The following ADCY2 variants were observed in gnomAD, a reference collection of about 807,000 sequenced individuals.
The protein encoded by ADCY2 is adenylate cyclase 2.
A neutral mutation model predicts 125.2 loss-of-function variants in ADCY2; 31 were observed. The observed-to-expected ratio is 0.25, with a 90% CI of 0.19 to 0.33. ADCY2 has a LOEUF of 0.33. Ranked by LOEUF, ADCY2 falls within the 10% of genes least tolerant of loss-of-function variation. ADCY2 has a pLI of 1.00. For missense variants in ADCY2, 904 were observed against 1,418.2 expected (o/e 0.64, Z 5.82); for synonymous variants, 512 against 548.4 (o/e 0.93, Z 0.93).
At chr5:7,424,597 T>C (rs1740321093) in intron 2 of ADCY2, among the ~76,000 whole-genome samples, 1 of 152,218 alleles carries the variant, frequency 6.6e-6, no homozygotes, top group South Asian at 2.1e-4. Flanking sequence ...GTTGATGTTA[T>C]TTGGAAAAAC....
intron 2 of ADCY2, among the ~76,000 whole-genome samples, chr5:7,518,668 C>A (rs1744335601): frequency 6.6e-6 from 1 of 152,050 alleles, no homozygotes; most frequent in African/African-American, 2.4e-5. Context: ...TGGTCCATGC[C>A]CAATCTAGGC....
intron 10 of ADCY2, among the ~76,000 whole-genome samples, chr5:7,710,845 C>T (rs13165303): frequency 0.46 from 70,056 of 151,826 alleles, 17,201 homozygotes; most frequent in East Asian, 0.95. Flanking sequence ...GTGGAAGCAA[C>T]GAGAAGCAAA....
At chr5:7,704,735 G>A (rs1741206630) in intron 7 of ADCY2, among the ~76,000 whole-genome samples, 1 of 152,020 alleles carries the variant, frequency 6.6e-6, no homozygotes, top group African/African-American at 2.4e-5. Context: ...AAAATTAGCT[G>A]GGCGGTTTGG....
chr5:7,650,482 G>C (rs569899603), intron 4 of ADCY2, among the ~76,000 whole-genome samples: 1 of 152,102 alleles, frequency 6.6e-6, no homozygotes, highest in Non-Finnish European at 1.5e-5. Flanking sequence ...ATACTTTACA[G>C]TACGAACTAT....
chr5:7,735,100 G>T (rs1239534041), intron 14 of ADCY2, among the ~76,000 whole-genome samples: 1 of 152,110 alleles, frequency 6.6e-6, no homozygotes, highest in Admixed American at 6.5e-5. Context: ...GAAGCATTAA[G>T]CCCATAAGAA....
chr5:7,412,218 A>C (rs889230348), intron 1 of ADCY2, among the ~76,000 whole-genome samples: 2 of 152,102 alleles, frequency 1.3e-5, no homozygotes, highest in South Asian at 2.1e-4. Context: ...ATATTTTTGC[A>C]TGGTTTTTCA....
rs370343471 is a variant in ADCY2, at chr5:7,411,280, A to G, written c.211-3293A>G. 2.0e-3 allele frequency among the ~76,000 whole-genome samples: 307 copies of G among 152,310 alleles called. 2 individuals carry two copies. The highest frequency in any genetic ancestry group is 7.1e-3 in the African/African-American group (297 of 41,586). ...TGACTGTCTCAAGCCGTTGGCCGTC[A>G]GAGCCTCTGGCTCACCCTCTGAGGT... On this transcript the variant is annotated intron_variant, in intron 1 of 24. Coordinates refer to ENST00000338316, the MANE Select transcript of ADCY2 (RefSeq NM_020546.3).
Position 7,626,241 on chromosome 5 carries a change from T to G in ADCY2, c.645T>G (p.Ala215=). The G allele has an allele frequency of 6.2e-7, 1 of 1,614,144 alleles. No homozygotes were observed. Among genetic ancestry groups the G allele is most frequent in the Non-Finnish European group, 8.5e-7 (1 of 1,180,002 alleles). ...ACCATAAGCACCTCATGGAACTCGC[T>G]CTTCAGCAAACATATCAGGACACCT... ...GAYHKHLMEL[A]LQQTYQDTCN... is the part of the protein sequence containing the mutation. Residue 215 remains alanine (A), a synonymous_variant, in exon 4 of 25, where the codon GCT becomes GCG. Coordinates refer to ENST00000338316, the MANE Select transcript of ADCY2 (RefSeq NM_020546.3).
intron 2 of ADCY2, among the ~76,000 whole-genome samples, chr5:7,488,331 G>A (rs1003769729): frequency 6.6e-6 from 1 of 152,144 alleles, no homozygotes; most frequent in African/African-American, 2.4e-5. Flanking sequence ...GTCGAGCTGT[G>A]AGTCCATTAA....
intron 11 of ADCY2, among the ~76,000 whole-genome samples, chr5:7,713,584 A>G (rs1741507190): frequency 2.6e-5 from 4 of 152,162 alleles, no homozygotes; most frequent in Admixed American, 2.6e-4. Flanking sequence ...CTATAGTGAA[A>G]TAAAGGGTTA....
chr5:7,734,247 C>T (rs1475419285), intron 14 of ADCY2, among the ~76,000 whole-genome samples: 2 of 152,156 alleles, frequency 1.3e-5, no homozygotes, highest in East Asian at 1.9e-4. Context: ...ATGCCAAAGA[C>T]ATCATTATTT....
intron 4 of ADCY2, among the ~76,000 whole-genome samples, chr5:7,666,878 A>G (rs1739776046): frequency 6.6e-6 from 1 of 152,152 alleles, no homozygotes; most frequent in African/African-American, 2.4e-5. Context: ...TCCCTGGAAC[A>G]TAACTCTTAC....
intron 16 of ADCY2, among the ~76,000 whole-genome samples, chr5:7,758,022 A>G (rs1348802080): frequency 6.6e-6 from 1 of 152,188 alleles, no homozygotes; most frequent in African/African-American, 2.4e-5. Context: ...AGGAACCCTC[A>G]AACTAAGGAG....
At chr5:7,618,485 T>G (rs1737840244) in intron 3 of ADCY2, among the ~76,000 whole-genome samples, 1 of 152,206 alleles carries the variant, frequency 6.6e-6, no homozygotes, top group African/African-American at 2.4e-5. Flanking sequence ...CTCCACATGT[T>G]CACCCTAAAA....
At position 7,492,814 on chromosome 5, in the gene ADCY2, T is replaced by G. The variant is rs146932489; in HGVS notation, c.409-27924T>G. 2.2e-3 allele frequency among the ~76,000 whole-genome samples: 328 copies of G among 151,146 alleles called. 3 individuals carry two copies. The highest frequency in any genetic ancestry group is 7.6e-3 in the African/African-American group (312 of 41,282). On this transcript the variant is annotated intron_variant, in intron 2 of 24. Coordinates refer to ENST00000338316, the MANE Select transcript of ADCY2 (RefSeq NM_020546.3). The stretch of plus-strand genomic sequence containing the variant: ...GTAATGAAGGGTAAATAGAAGACAC[T>G]ATAGTTCTGGAAGTCAGAGGAGGGT...
intron 2 of ADCY2, among the ~76,000 whole-genome samples, chr5:7,490,579 G>A (rs960300410): frequency 2.6e-5 from 4 of 152,078 alleles, no homozygotes; most frequent in Non-Finnish European, 5.9e-5. Flanking sequence ...GTAAAGAATA[G>A]AAATGTACCT....
At chr5:7,650,357 G>A (rs1257800711) in intron 4 of ADCY2, among the ~76,000 whole-genome samples, 6 of 152,114 alleles carry the variant, frequency 3.9e-5, no homozygotes, top group Non-Finnish European at 8.8e-5. Context: ...GAGGCCATTG[G>A]TGTATGACAG....
At chr5:7,700,713 C>T (rs1402788903) in intron 7 of ADCY2, among the ~76,000 whole-genome samples, 1 of 11,514 alleles carries the variant, frequency 8.7e-5, no homozygotes, top group Non-Finnish European at 2.5e-4. Context: ...CACCCCCTCG[C>T]ACCCACCACA....
At chr5:7,651,239 T>A (rs1038790664) in intron 4 of ADCY2, among the ~76,000 whole-genome samples, 3 of 152,192 alleles carry the variant, frequency 2.0e-5, no homozygotes, top group South Asian at 2.1e-4. Flanking sequence ...TTTGATTTCA[T>A]GTCTGTATTA....
Sources: gnomAD v4.1 joint callset for allele counts (sites outside exome capture counted in the v4.1 genomes callset) on GRCh38, gnomAD v4.1.1 for gene constraint, MANE v1.5 for transcripts, NCBI Gene and HGNC (gene_info 2026-07-23, HGNC 2026-07-21) for gene names.